MLIP: variants seen among roughly 807,000 people sequenced by gnomAD.
MLIP encodes the protein muscular LMNA interacting protein.
In MLIP, 79 loss-of-function variants were observed where a neutral mutation model predicts 84.8. The ratio of observed to expected loss-of-function variants is 0.93; its 90% CI spans 0.78 to 1.12. MLIP has a LOEUF of 1.12. Among genes scored for constraint, MLIP ranks in the 50% most tolerant of loss-of-function variants. The pLI, the probability that MLIP is intolerant of heterozygous loss-of-function variation, is 0.00. For missense variants in MLIP, 1,257 were observed against 1,160.6 expected (o/e 1.08, Z -1.21); for synonymous variants, 504 against 463.0 (o/e 1.09, Z -1.14).
intron 3 of MLIP, among the ~76,000 whole-genome samples, chr6:54,136,476 T>G (rs1771804972): frequency 6.6e-6 from 1 of 152,208 alleles, no homozygotes; most frequent in African/African-American, 2.4e-5. Context: ...CAATTTTACA[T>G]TGATTTCATT....
At chr6:54,102,913 C>A (rs375088103) in intron 1 of MLIP, among the ~76,000 whole-genome samples, 2 of 152,114 alleles carry the variant, frequency 1.3e-5, no homozygotes, top group Admixed American at 6.6e-5. Flanking sequence ...AGAGAGGGTA[C>A]AACAGGAGGT....
chr6:54,096,571 C>T (rs1006166858), intron 1 of MLIP, among the ~76,000 whole-genome samples: 4 of 152,044 alleles, frequency 2.6e-5, no homozygotes, highest in East Asian at 1.9e-4. Flanking sequence ...ATATGGGAAG[C>T]GCTTATGGGC....
At chr6:54,094,903 T>C (rs1768106659) in intron 1 of MLIP, among the ~76,000 whole-genome samples, 1 of 152,166 alleles carries the variant, frequency 6.6e-6, no homozygotes. Flanking sequence ...CTTTTGAAGT[T>C]TGACTTTCTG....
Position 54,121,389 on chromosome 6 carries a change from T to A in MLIP, c.97-58T>A, listed in dbSNP as rs928106337. The stretch of plus-strand genomic sequence containing the variant: ...GATAAATATCATGTCATATGGAGAA[T>A]AAAGGCAAGATAAACCTTTGACAAG... On this transcript the variant is annotated intron_variant, in intron 1 of 13. Transcript: ENST00000502396. 9 of 1,553,184 alleles carry A rather than the reference T, an allele frequency of 5.8e-6. No homozygotes were observed. The Admixed American group carries it at 1.6e-4, about 27-fold the overall frequency.
intron 10 of MLIP, among the ~76,000 whole-genome samples, chr6:54,201,577 A>G (rs1778681413): frequency 6.6e-6 from 1 of 152,156 alleles, no homozygotes; most frequent in Non-Finnish European, 1.5e-5. Flanking sequence ...TTATTGGGAG[A>G]GACAATCTAT....
chr6:54,215,466 T>G (rs1779793164), intron 11 of MLIP: 2 of 1,110,800 alleles, frequency 1.8e-6, no homozygotes, highest in Middle Eastern at 6.9e-4. Context: ...AGTGCTTTCA[T>G]CTTTATTGCA....
At chr6:54,031,309 A>G (rs1168092187) in intron 1 of MLIP, 2 of 151,906 alleles carry the variant, frequency 1.3e-5, no homozygotes, top group Non-Finnish European at 2.9e-5. Flanking sequence ...AGGCCATCTG[A>G]TTTTGGTGCT....
intron 1 of MLIP, among the ~76,000 whole-genome samples, chr6:54,072,799 G>A (rs773382737): frequency 2.6e-5 from 4 of 152,178 alleles, no homozygotes; most frequent in Non-Finnish European, 5.9e-5. Flanking sequence ...TTGTGTAAAT[G>A]TATTGACTGA....
At chr6:54,226,340 C>T (rs1582557082) in intron 11 of MLIP, among the ~76,000 whole-genome samples, 1 of 152,126 alleles carries the variant, frequency 6.6e-6, no homozygotes, top group African/African-American at 2.4e-5. Flanking sequence ...CTCTTCTATT[C>T]ACATCTCAGA....
intron 11 of MLIP, among the ~76,000 whole-genome samples, chr6:54,225,355 A>T (rs1780504361): frequency 1.3e-5 from 2 of 152,196 alleles, no homozygotes; most frequent in Non-Finnish European, 2.9e-5. Context: ...GGCAACTGTC[A>T]CACAGTGGTA....
chr6:54,130,496 CTA>C (rs1771287822), intron 3 of MLIP, among the ~76,000 whole-genome samples: 4 of 152,156 alleles, frequency 2.6e-5, no homozygotes, highest in Non-Finnish European at 1.5e-5. Context: ...CAAGGAGAAA[CTA>C]TGTTTCCGCT....
intron 12 of MLIP, among the ~76,000 whole-genome samples, chr6:54,248,573 G>A (rs1782243662): frequency 6.6e-6 from 1 of 152,088 alleles, no homozygotes; most frequent in African/African-American, 2.4e-5. Context: ...TTTTAAATAG[G>A]CTGGACATAC....
At chr6:54,210,455 TA>T (rs1485229955) in intron 11 of MLIP, among the ~76,000 whole-genome samples, 52 of 152,364 alleles carry the variant, frequency 3.4e-4, no homozygotes, top group Middle Eastern at 3.4e-3. Flanking sequence ...AAGAACTTGA[TA>T]AAAGACTCAA....
intron 12 of MLIP, among the ~76,000 whole-genome samples, chr6:54,251,683 T>A (rs1195202809): frequency 9.8e-6 from 1 of 101,752 alleles, no homozygotes; most frequent in Non-Finnish European, 1.7e-5. Flanking sequence ...TAACATATAA[T>A]ATAAATATAT....
At chr6:54,126,797 A>C (rs1020911261) in intron 3 of MLIP, among the ~76,000 whole-genome samples, 1 of 152,198 alleles carries the variant, frequency 6.6e-6, no homozygotes, top group African/African-American at 2.4e-5. Context: ...TCAGAAATAC[A>C]GTCAAGTAAG....
chr6:54,260,371 A>G (rs1286222108), intron 13 of MLIP, among the ~76,000 whole-genome samples: 2 of 152,030 alleles, frequency 1.3e-5, no homozygotes, highest in African/African-American at 2.4e-5. Context: ...AAACACACCA[A>G]TGATAAATAT....
intron 3 of MLIP, among the ~76,000 whole-genome samples, chr6:54,136,030 T>G (rs562324407): frequency 6.6e-6 from 1 of 152,350 alleles, no homozygotes; most frequent in East Asian, 1.9e-4. Context: ...TCTTCCAGCA[T>G]GACCCAAATC....
At position 54,057,494 on chromosome 6, in the gene MLIP, T is replaced by C. The variant is rs144609627; in HGVS notation, c.63+38403T>C. Among the ~76,000 whole-genome samples the C allele has an allele frequency of 1.4e-3, 219 of 152,344 alleles. 5 individuals carry two copies. The East Asian group carries it at 0.03, about 21-fold the overall frequency. On this transcript the variant is annotated intron_variant, in intron 1 of 12. Coordinates refer to the MLIP transcript ENST00000274897. ...CTTATAAAATGCTTGCATATTTGCA[T>C]TCAGGGGGAATAGTAGTTGCTTTTT...
At chr6:54,165,571 A>C (rs1417600422) in intron 8 of MLIP, among the ~76,000 whole-genome samples, 39 of 151,966 alleles carry the variant, frequency 2.6e-4, no homozygotes. Flanking sequence ...ACGTAAAAAC[A>C]GAACAAAACA....
Sources: allele counts gnomAD v4.1 joint callset (sites outside exome capture counted in the v4.1 genomes callset), GRCh38; gene constraint gnomAD v4.1.1; transcripts MANE v1.5; gene names NCBI Gene and HGNC (gene_info 2026-07-23, HGNC 2026-07-21).